HS2ST1: variants seen among roughly 807,000 people sequenced by gnomAD.
The protein encoded by HS2ST1 is 2-O-sulfotransferase.
Under a neutral mutation model 42.9 loss-of-function variants are expected in HS2ST1, and 18 were observed. That is an observed-to-expected ratio of 0.42 (90% CI 0.29 to 0.62). The LOEUF is 0.62. Among genes scored for constraint, HS2ST1 ranks in the 20% least tolerant of loss-of-function variants. The pLI is 0.21. For synonymous variants in HS2ST1, 146 were observed against 152.9 expected (o/e 0.95, Z 0.33); for missense variants, 334 against 433.8 (o/e 0.77, Z 2.04).
At chr1:86,952,520 G>A (rs985364151) in intron 1 of HS2ST1, among the ~76,000 whole-genome samples, 10 of 152,230 alleles carry the variant, frequency 6.6e-5, no homozygotes, top group African/African-American at 2.2e-4. Context: ...TAACAGGCAT[G>A]AGCCAGCATG....
At chr1:87,088,746 G>A (rs987406355) in intron 3 of HS2ST1, among the ~76,000 whole-genome samples, 1 of 151,418 alleles carries the variant, frequency 6.6e-6, no homozygotes, top group Non-Finnish European at 1.5e-5. Flanking sequence ...ATTACAAAAT[G>A]TGAGCCATTC....
intron 1 of HS2ST1, among the ~76,000 whole-genome samples, chr1:86,995,939 C>G (rs1649083961): frequency 6.6e-6 from 1 of 151,986 alleles, no homozygotes; most frequent in Non-Finnish European, 1.5e-5. Context: ...TGAGAAAGCA[C>G]CAAGTGGTGG....
At position 87,097,844 on chromosome 1, in the gene HS2ST1, G is replaced by A. The variant is rs1652105168; in HGVS notation, c.595G>A (p.Asp199Asn). 1 of 1,613,900 alleles carries A rather than the reference G, an allele frequency of 6.2e-7. No homozygotes were observed. The change falls in exon 5 of 7, where the codon GAT becomes AAT. Residue 199 changes from aspartate to asparagine, a missense_variant. By Grantham distance (23) the Asp-to-Asn change is conservative. Transcript: ENST00000370550. Reference protein sequence around the residue: ...RRKQGDKKTFDECVAEGGSDC... With the variant: ...RRKQGDKKTFNECVAEGGSDC... Reference sequence around the variant, plus strand: ...TGCTTTGTCTTTGTTCTAGACCTTTGATGAATGTGTAGCAGAAGGTGGCTC... The same window carrying A: ...TGCTTTGTCTTTGTTCTAGACCTTTAATGAATGTGTAGCAGAAGGTGGCTC...
chr1:87,078,196 A>G (rs928534611), intron 2 of HS2ST1, among the ~76,000 whole-genome samples: 2 of 152,218 alleles, frequency 1.3e-5, no homozygotes, highest in Non-Finnish European at 2.9e-5. Context: ...TCTTTTAGAT[A>G]GTGAAAACAA....
At chr1:87,074,672 A>T (rs1165002183) in intron 2 of HS2ST1, among the ~76,000 whole-genome samples, 1 of 151,990 alleles carries the variant, frequency 6.6e-6, no homozygotes, top group Admixed American at 6.6e-5. Flanking sequence ...TCTTTTAATA[A>T]CTTGTTGGTT....
At chr1:86,948,608 G>T (rs1020435624) in intron 1 of HS2ST1, among the ~76,000 whole-genome samples, 10 of 152,008 alleles carry the variant, frequency 6.6e-5, no homozygotes, top group Non-Finnish European at 1.3e-4. Flanking sequence ...GTCACAATAT[G>T]GTCTATATTC....
intron 1 of HS2ST1, among the ~76,000 whole-genome samples, chr1:87,038,545 A>C (rs1650439878): frequency 6.6e-6 from 1 of 152,176 alleles, no homozygotes; most frequent in Non-Finnish European, 1.5e-5. Context: ...TATTCTGGAA[A>C]GTCCTGCAAA....
At position 86,915,515 on chromosome 1, in the gene HS2ST1, T is replaced by C. The variant is rs3753286; in HGVS notation, c.124+355T>C. Among the ~76,000 whole-genome samples, 432 of 152,222 alleles carry C rather than the reference T, an allele frequency of 2.8e-3. 11 individuals carry two copies. In the East Asian group the frequency reaches 0.072, roughly 26 times the overall value. On this transcript the variant is annotated intron_variant, in intron 1 of 6. Coordinates refer to ENST00000370550, the MANE Select transcript of HS2ST1 (RefSeq NM_012262.4). Reference sequence around the variant, plus strand: ...GGAGACAGAAGCGCTTAGCATCGCGTGTTCTCTTGGAAGTCGTACAGGAAG... The same window carrying C: ...GGAGACAGAAGCGCTTAGCATCGCGCGTTCTCTTGGAAGTCGTACAGGAAG...
rs192511420 is a variant in HS2ST1, at chr1:86,979,149, G to T, written c.124+63989G>T. On this transcript the variant is annotated intron_variant, in intron 1 of 6. Transcript: ENST00000370550. ...AGGATTATAGGCGTGAGCCACTGCC[G>T]CTGGCTGTGAATCTTTATTCTTATT... Among the ~76,000 whole-genome samples the T allele has an allele frequency of 4.9e-3, 743 of 152,102 alleles. 8 individuals are homozygous for T. The highest frequency in any genetic ancestry group is 0.017 in the African/African-American group (701 of 41,492).
intron 1 of HS2ST1, among the ~76,000 whole-genome samples, chr1:87,071,729 GAA>G (rs537202045): frequency 2.2e-4 from 24 of 107,878 alleles, no homozygotes; most frequent in South Asian, 3.1e-4. Flanking sequence ...CTCTGTCTCC[GAA>G]AAAAAAAAAA....
chr1:87,069,923 A>T (rs544268497), intron 1 of HS2ST1, among the ~76,000 whole-genome samples: 1 of 152,218 alleles, frequency 6.6e-6, no homozygotes, highest in Non-Finnish European at 1.5e-5. Flanking sequence ...TTTTAAAACA[A>T]TTTTGCAGTT....
At position 87,073,123 on chromosome 1, in the gene HS2ST1, T is replaced by C; in HGVS notation, c.314T>C (p.Leu105Pro). 6.2e-7 allele frequency: 1 copy of C among 1,613,940 alleles called. No homozygotes were observed. Among genetic ancestry groups the C allele is most frequent in the Non-Finnish European group, 8.5e-7 (1 of 1,179,822 alleles). The change falls in exon 2 of 7, where the codon CTT (leucine) becomes CCT (proline). Residue 105 changes from leucine (L) to proline (P), a missense_variant. By Grantham distance (98) the Leu-to-Pro change is moderately conservative. Transcript: ENST00000370550. ...TGTGCAAAGAATAAATACCATGTCC[T>C]TCATATCAACACTACCAAAAATAAT... is the stretch of plus-strand genomic sequence containing the variant. ...DLCAKNKYHV[L>P]HINTTKNNPV...
chr1:86,991,987 C>T (rs1447124856), intron 1 of HS2ST1, among the ~76,000 whole-genome samples: 2 of 152,190 alleles, frequency 1.3e-5, no homozygotes, highest in Non-Finnish European at 2.9e-5. Flanking sequence ...GGCTGCACAG[C>T]AGGAGGTGAG....
At chr1:86,984,959 A>G (rs1648713128) in intron 1 of HS2ST1, among the ~76,000 whole-genome samples, 1 of 151,580 alleles carries the variant, frequency 6.6e-6, no homozygotes, top group African/African-American at 2.4e-5. Context: ...AGTTGAGTCT[A>G]ATTGAATAGA....
intron 2 of HS2ST1, among the ~76,000 whole-genome samples, chr1:87,081,563 A>G (rs1466465848): frequency 6.6e-6 from 1 of 152,210 alleles, no homozygotes; most frequent in Non-Finnish European, 1.5e-5. Flanking sequence ...GTTTATTGCA[A>G]TCAGTGCCTA....
intron 1 of HS2ST1, among the ~76,000 whole-genome samples, chr1:86,973,994 C>T (rs1487233914): frequency 6.6e-6 from 1 of 152,134 alleles, no homozygotes; most frequent in African/African-American, 2.4e-5. Context: ...ACACAGAGAA[C>T]ATGAAAGCCC....
At chr1:86,975,207 T>C (rs1251949842) in intron 1 of HS2ST1, among the ~76,000 whole-genome samples, 1 of 152,098 alleles carries the variant, frequency 6.6e-6, no homozygotes, top group Non-Finnish European at 1.5e-5. Context: ...TTTAAAATCA[T>C]GTTACTTTCC....
intron 1 of HS2ST1, chr1:87,046,547 CTG>C: frequency 6.4e-7 from 1 of 1,560,152 alleles, no homozygotes. Context: ...CATCAGGTAT[CTG>C]TTGATAATGG....
chr1:86,948,076 G>A (rs1157095154), intron 1 of HS2ST1, among the ~76,000 whole-genome samples: 2 of 151,830 alleles, frequency 1.3e-5, no homozygotes, highest in Admixed American at 1.3e-4. Flanking sequence ...CTCTGGTTGT[G>A]CTTACCATAT....
Sources: allele counts gnomAD v4.1 joint callset (sites outside exome capture counted in the v4.1 genomes callset), GRCh38; gene constraint gnomAD v4.1.1; transcripts MANE v1.5; gene names NCBI Gene and HGNC (gene_info 2026-07-23, HGNC 2026-07-21).